Variants in KATNB1 observed in about 807,000 individuals in gnomAD.
KATNB1 encodes the protein katanin regulatory subunit B1, also known as katanin p80 WD40 repeat-containing subunit B1.
KATNB1 carries 38 observed loss-of-function variants against 82.3 expected under a neutral mutation model. The observed-to-expected ratio is 0.46, with a 90% CI of 0.36 to 0.61. KATNB1 has a LOEUF of 0.61. Ranked by LOEUF, KATNB1 falls within the 20% of genes least tolerant of loss-of-function variation. The probability of loss-of-function intolerance (pLI) is 0.00; values close to 1 mark genes in which losing one functional copy is unlikely to be tolerated. For missense variants in KATNB1, 749 were observed against 915.7 expected (o/e 0.82, Z 2.35); for synonymous variants, 361 against 368.7 (o/e 0.98, Z 0.24).
intron 3 of KATNB1, 117 bp downstream of exon 3, chr16:57,741,934 A>T: frequency 8.2e-7 from 1 of 1,224,732 alleles, no homozygotes. Flanking sequence ...AGGGCCCCCT[A>T]TCCGCTGGGG....
chr16:57,742,756 C>G (rs2049152154), intron 3 of KATNB1, among the ~76,000 whole-genome samples: 1 of 152,186 alleles, frequency 6.6e-6, no homozygotes. Context: ...TTTGGCTCTG[C>G]TAAAGCACCC....
rs34508238 is a variant in KATNB1 at position 57,752,596 on chromosome 16, C to G, written c.699C>G (p.Pro233=). Residue 233 remains proline (P), a synonymous_variant, in exon 9 of 20, where the codon CCC becomes CCG. Transcript: ENST00000379661. ...VVSCIEGEPG[P]VRSVLFNPDG... is the part of the protein sequence containing the mutation. ...GCTGCATCGAAGGGGAGCCTGGGCC[C>G]GTCAGGTACGCAGGCTGTGGGGTGG... 21 of 1,565,684 alleles carry G rather than the reference C, an allele frequency of 1.3e-5. No individual in the cohort carries two copies. Among genetic ancestry groups the G allele is most frequent in the Non-Finnish European group, 1.6e-5 (19 of 1,155,176 alleles).
intron 1 of KATNB1, chr16:57,736,737 C>A: frequency 3.3e-6 from 1 of 304,310 alleles, no homozygotes; most frequent in Non-Finnish European, 6.6e-6. Flanking sequence ...AGCCAGCATC[C>A]CGGAACAGAG....
In KATNB1 at chr16:57,755,936, G is replaced by T. The variant is rs1243024124; in HGVS notation, c.1643+19G>T. 1 of 1,606,414 alleles carries T rather than the reference G, an allele frequency of 6.2e-7. No homozygotes were observed. The highest frequency in any genetic ancestry group is 8.5e-7 in the Non-Finnish European group (1 of 1,174,488). ...AGAAAGCGTAAGTGGCTGCAGAGGG[G>T]GAGTGGGCGGAGGGGCAGGGCTGGG... On this transcript the variant is annotated intron_variant, in intron 17 of 19. Transcript: ENST00000379661.
At chr16:57,745,661 C>G (rs537156143) in intron 4 of KATNB1, among the ~76,000 whole-genome samples, 1 of 152,188 alleles carries the variant, frequency 6.6e-6, no homozygotes, top group South Asian at 2.1e-4. Flanking sequence ...CCCCATGGCT[C>G]GTGTTTCTCC....
chr16:57,745,550 C>T (rs1371635425), intron 4 of KATNB1, among the ~76,000 whole-genome samples: 22 of 134,638 alleles, frequency 1.6e-4, no homozygotes, highest in Middle Eastern at 7.5e-3. Flanking sequence ...GCAACAAGAG[C>T]GAAACTCCAT....
At chr16:57,741,620 G>A in intron 2 of KATNB1, 67 bp from the exon 3 acceptor site, 1 of 1,544,680 alleles carries the variant, frequency 6.5e-7, no homozygotes, top group Admixed American at 1.8e-5. Context: ...GCCGAGCAGG[G>A]TCACCCCTCC....
At chr16:57,755,614 C>A in intron 16 of KATNB1, 120 bp downstream of exon 16, 1 of 1,307,206 alleles carries the variant, frequency 7.6e-7, no homozygotes, top group Non-Finnish European at 1.0e-6. Flanking sequence ...GATAGGCCAT[C>A]CCTGACGTCA....
intron 4 of KATNB1, among the ~76,000 whole-genome samples, chr16:57,748,195 C>T (rs933889681): frequency 6.6e-6 from 1 of 152,146 alleles, no homozygotes; most frequent in Non-Finnish European, 1.5e-5. Context: ...TCTGTTCTGC[C>T]ATTGGATGGA....
At position 57,755,511 on chromosome 16, in the gene KATNB1, G is replaced by C; in HGVS notation, c.1566+17G>C. On this transcript the variant is annotated intron_variant, in intron 16 of 19. Coordinates refer to ENST00000379661, the MANE Select transcript of KATNB1 (RefSeq NM_005886.3). ...GACATCAAGGCAAGTGCCCACCCTT[G>C]CACAGGGCCTCATCTCGCCCCCCTG... 6.2e-7 allele frequency: 1 copy of C among 1,607,532 alleles called. No homozygotes were observed. Among genetic ancestry groups the C allele is most frequent in the Non-Finnish European group, 8.5e-7 (1 of 1,175,720 alleles).
At chr16:57,754,594 C>T (rs549348765) in intron 13 of KATNB1, among the ~76,000 whole-genome samples, 5 of 152,300 alleles carry the variant, frequency 3.3e-5, no homozygotes, top group Admixed American at 2.0e-4. Context: ...CCGTCCTTGC[C>T]GTCAGTCCTG....
intron 9 of KATNB1, 22 bp from the exon 10 acceptor site, chr16:57,752,756 G>C (rs782430460): frequency 1.9e-6 from 3 of 1,605,294 alleles, no homozygotes; most frequent in Non-Finnish European, 2.5e-6. Flanking sequence ...CAGGACCCAC[G>C]GCCATCTCTC....
Position 57,737,219 on chromosome 16 carries a change from G to T in KATNB1, c.-25G>T. The T allele has an allele frequency of 1.2e-6, 2 of 1,613,982 alleles. No homozygotes were observed. Among genetic ancestry groups the T allele is most frequent in the African/African-American group, 2.7e-5 (2 of 75,064 alleles). ...AAGCACAGTTTATTTTGTGGGTGGG[G>T]CTTCAGGTGCCAGCCAGCTGAAGGA... On this transcript the variant is annotated 5_prime_UTR_variant, in exon 2 of 20. Transcript: ENST00000379661.
In KATNB1 at chr16:57,751,581, C is replaced by A; in HGVS notation, c.433-60C>A. The A allele has an allele frequency of 6.8e-7, 1 of 1,463,810 alleles. No homozygotes were observed. The highest frequency in any genetic ancestry group is 9.5e-7 in the Non-Finnish European group (1 of 1,051,260). 90.7% of individuals were successfully genotyped at this position (1,463,810 alleles called of 1,614,324 possible). A position where few individuals can be genotyped will look rare whatever the true frequency, so the allele number is the denominator to read the frequency against. On this transcript the variant is annotated intron_variant, in intron 6 of 19. Coordinates refer to ENST00000379661, the MANE Select transcript of KATNB1 (RefSeq NM_005886.3). This position sits in a 1 kb window ranked among gnomAD's most constrained non-coding sequence, Gnocchi z 6.3. ...AAGGGGTCCCATAGGAGTGAGGAGGCAGGGAGAGGTCTGTTGGGCCCAGGA... is the reference window on the plus strand; with the variant it reads ...AAGGGGTCCCATAGGAGTGAGGAGGAAGGGAGAGGTCTGTTGGGCCCAGGA...
At position 57,753,157 on chromosome 16, in the gene KATNB1, C is replaced by T; in HGVS notation, c.936C>T (p.Ala312=). 1 of 1,611,112 alleles carries T rather than the reference C, an allele frequency of 6.2e-7. No individual in the cohort carries two copies. Among genetic ancestry groups the T allele is most frequent in the South Asian group, 1.1e-5 (1 of 91,072 alleles). Residue 312 remains alanine, a synonymous_variant, in exon 11 of 20, where the codon GCC becomes GCT. Transcript: ENST00000379661. ...GTGTCACCAGGACTGGCACGGTGGC[C>T]CGGGACCCTGTGCAGGACCACCGGC... ...LTRVTRTGTV[A]RDPVQDHRPL...
rs1555585960 is a variant in KATNB1, at chr16:57,755,849, G to A, written c.1575G>A (p.Val525=). The change falls in exon 17 of 20, where the codon GTG becomes GTA. Residue 525 remains valine, a synonymous_variant. Transcript: ENST00000379661. The part of the protein sequence containing the change: ...VWTMGDIKTS[V]DSAVAINDLS... ...GTGCTCTGTTTGCACAGACGTCGGT[G>A]GACTCCGCTGTGGCCATCAACGACC... is the stretch of plus-strand genomic sequence containing the variant. 3 of 1,588,946 alleles carry A rather than the reference G, an allele frequency of 1.9e-6. No homozygotes were observed. Among genetic ancestry groups the A allele is most frequent in the Non-Finnish European group, 2.6e-6 (3 of 1,160,968 alleles).
chr16:57,753,263 C>G lies in KATNB1; in HGVS notation c.1042C>G (p.Gln348Glu), dbSNP rs782339190. 1.8e-5 allele frequency: 29 copies of G among 1,596,652 alleles called. No homozygotes were observed. Among genetic ancestry groups the G allele is most frequent in the Non-Finnish European group, 2.0e-5 (23 of 1,169,860 alleles). Residue 348 changes from glutamine to glutamate, a missense_variant, in exon 11 of 20, where the codon CAG (glutamine) becomes GAG (glutamate). Transcript: ENST00000379661. Reference sequence around the variant, plus strand: ...GCCCAGCACAACCTGCAGCAAGCCTCAGAGGTGAGGGCCTGGGGGGCCTTC... The same window carrying G: ...GCCCAGCACAACCTGCAGCAAGCCTGAGAGGTGAGGGCCTGGGGGGCCTTC... ...ERPSTTCSKP[Q>E]RVKQNSESER... is the part of the protein sequence containing the mutation.
intron 4 of KATNB1, among the ~76,000 whole-genome samples, chr16:57,746,371 C>CCT: frequency 6.8e-6 from 1 of 147,856 alleles, no homozygotes; most frequent in African/African-American, 2.4e-5. Context: ...TCTTTTCTTT[C>CCT]CTCTCTCTCT....
intron 1 of KATNB1, among the ~76,000 whole-genome samples, chr16:57,736,500 C>T (rs934922159): frequency 5.9e-5 from 9 of 152,156 alleles, no homozygotes; most frequent in Non-Finnish European, 4.4e-5. Flanking sequence ...GAGCGGTTCC[C>T]TTGCCAGGAG....
Sources: gnomAD v4.1 joint callset for allele counts (sites outside exome capture counted in the v4.1 genomes callset) on GRCh38, gnomAD v4.1.1 for gene constraint, Gnocchi (gnomAD v3.1) non-coding constraint, MANE v1.5 for transcripts, NCBI Gene and HGNC (gene_info 2026-07-23, HGNC 2026-07-21) for gene names.